FRMD3: variants seen among roughly 807,000 people sequenced by gnomAD.
FRMD3 encodes FERM domain containing 3, also known as FERM domain-containing protein 3.
Under a neutral mutation model 70.2 loss-of-function variants are expected in FRMD3, and 33 were observed. The observed-to-expected ratio is 0.47, with a 90% CI of 0.36 to 0.63. FRMD3 has a LOEUF of 0.63. Ranked by LOEUF, FRMD3 falls within the 20% of genes least tolerant of loss-of-function variation. The probability of loss-of-function intolerance (pLI) is 0.00; values close to 1 mark genes in which losing one functional copy is unlikely to be tolerated. For synonymous variants in FRMD3, 279 were observed against 255.9 expected, an observed-to-expected ratio of 1.09 and a Z score of -0.86; for missense variants, 632 against 711.4, an observed-to-expected ratio of 0.89 and a Z score of 1.27.
intron 1 of FRMD3, among the ~76,000 whole-genome samples, chr9:83,441,600 T>C (rs1002067422): frequency 2.6e-5 from 4 of 152,152 alleles, no homozygotes; most frequent in African/African-American, 9.7e-5. Context: ...CTCTTAAGTA[T>C]TTCCAGCATT....
intron 1 of FRMD3, among the ~76,000 whole-genome samples, chr9:83,509,111 G>A (rs1161256939): frequency 2.0e-5 from 3 of 149,530 alleles, no homozygotes; most frequent in Non-Finnish European, 4.4e-5. Flanking sequence ...GAGAATGTAA[G>A]CTCCATGAGG....
the FRMD3 span, among the ~76,000 whole-genome samples, chr9:83,575,853 T>C: frequency 6.6e-6 from 1 of 152,174 alleles, no homozygotes; most frequent in African/African-American, 2.4e-5. Flanking sequence ...ATTTTTCACA[T>C]ACTCTTCTAG....
chr9:83,446,646 CAA>C (rs780150860), intron 1 of FRMD3, among the ~76,000 whole-genome samples: 65 of 83,322 alleles, frequency 7.8e-4, no homozygotes, highest in South Asian at 2.9e-3. Context: ...GACTCGGTCT[CAA>C]AAAAAAAAAA....
chr9:83,398,174 C>A (rs1035286870), intron 1 of FRMD3, among the ~76,000 whole-genome samples: 2 of 152,132 alleles, frequency 1.3e-5, no homozygotes, highest in Non-Finnish European at 2.9e-5. Flanking sequence ...ATGTTAGGGA[C>A]CACAGCTTTA....
At chr9:83,480,663 T>G (rs1828547411) in intron 1 of FRMD3, among the ~76,000 whole-genome samples, 3 of 152,064 alleles carry the variant, frequency 2.0e-5, no homozygotes. Context: ...ACCCAGCTAA[T>G]TCTGTCTTTT....
At chr9:83,421,824 G>A (rs1218025855) in intron 1 of FRMD3, among the ~76,000 whole-genome samples, 2 of 152,168 alleles carry the variant, frequency 1.3e-5, no homozygotes, top group East Asian at 3.9e-4. Context: ...GGAGTTGGAG[G>A]TCAAACTAAC....
chr9:83,415,413 CTA>C lies in FRMD3; in HGVS notation c.148-25707_148-25706del, dbSNP rs569591718. Among the ~76,000 whole-genome samples the C allele has an allele frequency of 3.3e-3, 505 of 151,118 alleles. 2 individuals are homozygous for C. The highest frequency in any genetic ancestry group is 0.012 in the African/African-American group (493 of 41,154). On this transcript the variant is annotated intron_variant, in intron 1 of 13. Coordinates refer to ENST00000304195, the MANE Select transcript of FRMD3 (RefSeq NM_174938.6). ...TGAACAAGTACCACAACCAGTAAAA[CTA>C]TGTTCCTGAGACCGAGAAAGGAAAT...
At chr9:83,445,659 G>C (rs1355551807) in intron 1 of FRMD3, among the ~76,000 whole-genome samples, 1 of 152,200 alleles carries the variant, frequency 6.6e-6, no homozygotes, top group Non-Finnish European at 1.5e-5. Context: ...CTAAGCACAG[G>C]TGTGGATTTA....
At chr9:83,350,812 T>TG in intron 3 of FRMD3, 1 of 793,588 alleles carries the variant, frequency 1.3e-6, no homozygotes, top group Non-Finnish European at 1.5e-6. Context: ...ACCCAACCAA[T>TG]GGGGATTCTA....
the FRMD3 span, among the ~76,000 whole-genome samples, chr9:83,584,485 G>A: frequency 2.6e-5 from 4 of 151,848 alleles, no homozygotes; most frequent in African/African-American, 7.2e-5. Context: ...TTTCATCCCC[G>A]TTAATTTTAG....
Position 83,245,105 on chromosome 9 carries a change from C to G in FRMD3, c.*2813G>C. 1.0e-6 allele frequency: 1 copy of G among 985,308 alleles called. No individual in the cohort carries two copies. Among genetic ancestry groups the G allele is most frequent in the East Asian group, 1.1e-4 (1 of 8,816 alleles). 61.0% of individuals were successfully genotyped at this position (985,308 alleles called of 1,614,324 possible). ...AGAGGGAGAAGAACCAATAATACAT[C>G]TCAAATTCCTCAATTAGGGCAAAAT... On this transcript the variant is annotated 3_prime_UTR_variant, in exon 14 of 14. Transcript: ENST00000304195.
At chr9:83,288,562 G>A (rs1320559304) in intron 13 of FRMD3, among the ~76,000 whole-genome samples, 3 of 152,160 alleles carry the variant, frequency 2.0e-5, no homozygotes, top group African/African-American at 7.2e-5. Context: ...ATTAGATATC[G>A]ATAGAGCTAT....
intron 6 of FRMD3, among the ~76,000 whole-genome samples, chr9:83,328,876 C>T (rs1490537501): frequency 2.0e-5 from 3 of 152,178 alleles, no homozygotes; most frequent in African/African-American, 7.2e-5. Flanking sequence ...GTTATAGTCT[C>T]ATTGAAAGTT....
At chr9:83,464,234 C>T (rs1055087233) in intron 1 of FRMD3, among the ~76,000 whole-genome samples, 10 of 152,166 alleles carry the variant, frequency 6.6e-5, no homozygotes, top group African/African-American at 9.7e-5. Flanking sequence ...TGGCAAAGAA[C>T]GGTGTGTTCT....
rs553304367 is a variant in FRMD3, at chr9:83,474,651, A to G, written c.147+63434T>C. 4.6e-5 allele frequency among the ~76,000 whole-genome samples: 7 copies of G among 152,244 alleles called. No individual in the cohort carries two copies. In the East Asian group the frequency reaches 7.7e-4, roughly 17 times the overall value. ...TAGATAAGCATATTTTAAAAACTGGATAAAATTTAAACATTAACATCTCTT... is the reference window on the plus strand; with the variant it reads ...TAGATAAGCATATTTTAAAAACTGGGTAAAATTTAAACATTAACATCTCTT... On this transcript the variant is annotated intron_variant, in intron 1 of 13. Coordinates refer to ENST00000304195, the MANE Select transcript of FRMD3 (RefSeq NM_174938.6).
chr9:83,256,052 C>A (rs1318254872), intron 13 of FRMD3, among the ~76,000 whole-genome samples: 1 of 151,906 alleles, frequency 6.6e-6, no homozygotes, highest in African/African-American at 2.4e-5. Flanking sequence ...AAAAAGAGCC[C>A]AAATAACCAA....
intron 1 of FRMD3, among the ~76,000 whole-genome samples, chr9:83,514,764 G>T (rs1256662392): frequency 3.3e-5 from 5 of 152,212 alleles, no homozygotes; most frequent in Non-Finnish European, 2.9e-5. Context: ...TCCAGAGGAA[G>T]GAGCAAGCAG....
At chr9:83,309,288 A>ACACACACACG (rs1835260299) in intron 10 of FRMD3, among the ~76,000 whole-genome samples, 2 of 151,582 alleles carry the variant, frequency 1.3e-5, no homozygotes, top group African/African-American at 4.9e-5. Context: ...ACACACACAC[A>ACACACACACG]CACACACACA....
At chr9:83,440,051 C>A (rs1207301188) in intron 1 of FRMD3, among the ~76,000 whole-genome samples, 5 of 152,178 alleles carry the variant, frequency 3.3e-5, no homozygotes, top group African/African-American at 9.7e-5. Flanking sequence ...ATTACAAAAA[C>A]CAGAAGAAGT....
Sources: gnomAD v4.1 joint callset for allele counts (sites outside exome capture counted in the v4.1 genomes callset) on GRCh38, gnomAD v4.1.1 for gene constraint, MANE v1.5 for transcripts, NCBI Gene and HGNC (gene_info 2026-07-23, HGNC 2026-07-21) for gene names.